The following FBXO21 variants were observed in gnomAD, a reference collection of about 807,000 sequenced individuals.
The protein encoded by FBXO21 is F-box only protein 21.
In FBXO21, 32 loss-of-function variants were observed where a neutral mutation model predicts 76.6. The observed-to-expected ratio is 0.42, with a 90% confidence interval of 0.32 to 0.56. FBXO21 has a LOEUF of 0.56. Among genes scored for constraint, FBXO21 ranks in the 20% least tolerant of loss-of-function variants. The pLI is 0.16. For missense variants in FBXO21, 586 were observed against 797.3 expected, an observed-to-expected ratio of 0.73 and a Z score of 3.19; for synonymous variants, 328 against 311.5, an observed-to-expected ratio of 1.05 and a Z score of -0.56.
chr12:117,184,539 A>C (rs1383260067), intron 3 of FBXO21, among the ~76,000 whole-genome samples: 1 of 152,214 alleles, frequency 6.6e-6, no homozygotes, highest in Non-Finnish European at 1.5e-5. Context: ...AGATCACGTG[A>C]CATCAGGAGT....
At position 117,155,767 on chromosome 12, in the gene FBXO21, G is replaced by A. The variant is rs1955908543; in HGVS notation, c.1675+24C>T. The A allele has an allele frequency of 1.9e-6, 3 of 1,603,160 alleles. No homozygotes were observed. In the East Asian group the frequency reaches 6.7e-5, roughly 36 times the overall value. Reference sequence around the variant, plus strand: ...TGAAAACACGCCCGCGGGGCCACTGGCACAAGCGGAACCCGCCGCTTACCT... The same window carrying A: ...TGAAAACACGCCCGCGGGGCCACTGACACAAGCGGAACCCGCCGCTTACCT... On this transcript the variant is annotated intron_variant, in intron 11 of 11. Transcript: ENST00000622495.
chr12:117,156,595 G>A (rs1009669026), intron 10 of FBXO21, among the ~76,000 whole-genome samples: 42 of 152,190 alleles, frequency 2.8e-4, no homozygotes, highest in African/African-American at 9.2e-4. Context: ...TCTGGCACTT[G>A]CGTCAATTAA....
rs752652348 is a variant in FBXO21 at position 117,158,052 on chromosome 12, G to C, written c.1338C>G (p.Ile446Met). Residue 446 changes from isoleucine to methionine, a missense_variant, in exon 10 of 12, where the codon ATC becomes ATG. Around this residue, in one of 6 missense-constraint regions of FBXO21, gnomAD observed 164 missense variants for 236.7 expected, o/e 0.69. Coordinates refer to ENST00000622495, the MANE Select transcript of FBXO21 (RefSeq NM_015002.3). ...LGIWPEKVLD[I>M]LQHIQTLDPG... ...GGTCTAGGGTTTGGATGTGCTGGAG[G>C]ATGTCAAGCACCTTCAAAACAAGAC... The C allele has an allele frequency of 6.2e-7, 1 of 1,614,166 alleles. No individual in the cohort carries two copies. The highest frequency in any genetic ancestry group is 1.1e-5 in the South Asian group (1 of 91,078).
At chr12:117,178,345 T>C (rs10161283) in intron 3 of FBXO21, among the ~76,000 whole-genome samples, 30,074 of 152,012 alleles carry the variant, frequency 0.2, 3,366 homozygotes, top group East Asian at 0.41. Context: ...CACACCACCA[T>C]CAGCATTCCT....
At position 117,155,773 on chromosome 12, in the gene FBXO21, G is replaced by C. The variant is rs902568931; in HGVS notation, c.1675+18C>G. 16 of 1,606,740 alleles carry C rather than the reference G, an allele frequency of 1.0e-5. No homozygotes were observed. The highest frequency in any genetic ancestry group is 1.4e-5 in the Non-Finnish European group (16 of 1,176,330). On this transcript the variant is annotated intron_variant, in intron 11 of 11. Coordinates refer to ENST00000622495, the MANE Select transcript of FBXO21 (RefSeq NM_015002.3). ...CACGCCCGCGGGGCCACTGGCACAA[G>C]CGGAACCCGCCGCTTACCTTGGGCT...
At chr12:117,189,189 G>A (rs373573831) in intron 2 of FBXO21, 38 bp downstream of exon 2, 2 of 1,613,704 alleles carry the variant, frequency 1.2e-6, no homozygotes, top group Non-Finnish European at 1.7e-6. Context: ...ACATACACCA[G>A]CAAGCCAAAG....
intron 11 of FBXO21, 121 bp downstream of exon 11, chr12:117,155,669 TG>T: frequency 9.0e-7 from 1 of 1,116,748 alleles, no homozygotes; most frequent in Non-Finnish European, 1.3e-6. Context: ...AGGCCGGCCA[TG>T]GGGCGTCGGC....
intron 3 of FBXO21, among the ~76,000 whole-genome samples, chr12:117,182,708 G>A (rs758169218): frequency 4.0e-5 from 6 of 151,796 alleles, no homozygotes; most frequent in Non-Finnish European, 7.4e-5. Context: ...GATTACAGGC[G>A]TGTGCCACCA....
At chr12:117,157,724 C>T in intron 10 of FBXO21, 149 bp downstream of exon 10, 1 of 540,680 alleles carries the variant, frequency 1.8e-6, no homozygotes. Context: ...AGAGGTTCAG[C>T]TTTCTGTCTT....
intron 11 of FBXO21, among the ~76,000 whole-genome samples, chr12:117,147,049 C>A (rs1208882693): frequency 1.3e-5 from 2 of 150,730 alleles, no homozygotes; most frequent in Non-Finnish European, 3.0e-5. Flanking sequence ...TCAAGACCAG[C>A]CTGACTAACA....
At chr12:117,190,167 GGGGGCGCGGGGCGGTGGGCGCGCAGCC>G (rs765864102) in intron 1 of FBXO21, 24 bp downstream of exon 1, 3 of 1,071,730 alleles carry the variant, frequency 2.8e-6, no homozygotes, top group Admixed American at 5.0e-5. Context: ...CCCGGCCCCG[GGGGGCGCGGGGCGGTGGGCGCGCAGCC>G]GGGGCGCGGG....
intron 11 of FBXO21, chr12:117,155,493 C>G (rs1039316592): frequency 4.8e-6 from 2 of 416,584 alleles, no homozygotes; most frequent in Non-Finnish European, 9.0e-6. Context: ...GGGCAGGGTC[C>G]AGGAGGCAGG....
intron 8 of FBXO21, 83 bp downstream of exon 8, chr12:117,166,815 G>A: frequency 1.6e-6 from 2 of 1,231,602 alleles, no homozygotes; most frequent in Non-Finnish European, 2.3e-6. Context: ...TCAACGAAAA[G>A]TCACTTGGCA....
intron 9 of FBXO21, 124 bp downstream of exon 9, chr12:117,165,361 G>C (rs1474790242): frequency 3.9e-6 from 4 of 1,013,240 alleles, no homozygotes; most frequent in Admixed American, 2.3e-5. Context: ...GGTTATGATT[G>C]GGAGACTGAA....
chr12:117,159,700 C>A (rs1375931588), intron 9 of FBXO21, among the ~76,000 whole-genome samples: 1 of 152,144 alleles, frequency 6.6e-6, no homozygotes, highest in African/African-American at 2.4e-5. Context: ...AATGGCTGTC[C>A]TTGTGGCCTG....
intron 4 of FBXO21, 35 bp from the exon 5 acceptor site, chr12:117,174,832 A>T (rs140171660): frequency 1.9e-6 from 3 of 1,597,008 alleles, no homozygotes; most frequent in Admixed American, 1.7e-5. Flanking sequence ...ATAAATTCTC[A>T]CGTTACCCTT....
chr12:117,155,740 G>GCTGAAAACACGCC (rs1254083197), intron 11 of FBXO21, 51 bp downstream of exon 11: 5 of 1,566,774 alleles, frequency 3.2e-6, no homozygotes, highest in Non-Finnish European at 4.3e-6. Flanking sequence ...TCAAACGTGC[G>GCTGAAAACACGCC]CTGAAAACAC....
chr12:117,155,995 A>G, intron 10 of FBXO21, 47 bp from the exon 11 acceptor site: 1 of 1,591,210 alleles, frequency 6.3e-7, no homozygotes, highest in South Asian at 1.1e-5. Flanking sequence ...CCCGGCCGCA[A>G]CAACCTCCAG....
At position 117,146,258 on chromosome 12, in the gene FBXO21, C is replaced by G; in HGVS notation, c.1695G>C (p.Val565=). The G allele has an allele frequency of 6.2e-7, 1 of 1,607,348 alleles. No individual in the cohort carries two copies. The stretch of plus-strand genomic sequence containing the variant: ...CAGGGTGTGAGATTTCTTGAGGCTC[C>G]ACGTTATATTCCAAGTTTTCTGTTG... The part of the protein sequence containing the change: ...YAAQENLEYN[V]EPQEISHPDV... The change falls in exon 12 of 12, where the codon GTG becomes GTC. Residue 565 remains valine, a synonymous_variant. Coordinates refer to ENST00000622495, the MANE Select transcript of FBXO21 (RefSeq NM_015002.3).
Sources: gnomAD v4.1 joint callset for allele counts (sites outside exome capture counted in the v4.1 genomes callset) on GRCh38, gnomAD v4.1.1 for gene constraint, gnomAD v4.1.1 regional missense constraint, MANE v1.5 for transcripts, NCBI Gene and HGNC (gene_info 2026-07-23, HGNC 2026-07-21) for gene names.